SYCP3: variants seen among roughly 807,000 people sequenced by gnomAD.
The protein encoded by SYCP3 is synaptonemal complex protein 3.
In SYCP3, 29 loss-of-function variants were observed where a neutral mutation model predicts 38.5. The ratio of observed to expected loss-of-function variants is 0.75; its 90% CI spans 0.56 to 1.03. The LOEUF is 1.03. SYCP3 is among the 50% of genes least tolerant of loss of function. The pLI is 0.00. For synonymous variants in SYCP3, 79 were observed against 80.3 expected, an observed-to-expected ratio of 0.98 and a Z score of 0.08; for missense variants, 242 against 270.7, an observed-to-expected ratio of 0.89 and a Z score of 0.74.
At position 101,737,070 on chromosome 12, in the gene SYCP3, C is replaced by T. The variant is rs756692537; in HGVS notation, c.202G>A (p.Gly68Ser). The change falls in exon 4 of 9, where the codon GGT (glycine) becomes AGT (serine). Residue 68 changes from glycine (G) to serine (S), a missense_variant and splice_region_variant. By Grantham distance (56) the Gly-to-Ser change is moderately conservative. Transcript: ENST00000392924. ...SSAGVVEDMG[G>S]EVQNMLEGVG... Reference sequence around the variant, plus strand: ...CCTTCCAGCATATTCTGCACTTCACCCCTGGAAAGAAATTACATTTTAAAC... The same window carrying T: ...CCTTCCAGCATATTCTGCACTTCACTCCTGGAAAGAAATTACATTTTAAAC... 6.2e-7 allele frequency: 1 copy of T among 1,613,802 alleles called. No individual in the cohort carries two copies. The highest frequency in any genetic ancestry group is 8.5e-7 in the Non-Finnish European group (1 of 1,179,890).
chr12:101,735,516 C>T (rs1281866768), intron 4 of SYCP3, among the ~76,000 whole-genome samples: 1 of 152,074 alleles, frequency 6.6e-6, no homozygotes, highest in East Asian at 1.9e-4. Context: ...CAAAAATTAG[C>T]TGGGCGTGGT....
intron 7 of SYCP3, among the ~76,000 whole-genome samples, chr12:101,729,897 G>T (rs1952108084): frequency 6.6e-6 from 1 of 152,174 alleles, no homozygotes; most frequent in East Asian, 1.9e-4. Context: ...TAAAGAAAAA[G>T]GAGTTAAATA....
chr12:101,733,523 G>T, intron 6 of SYCP3, 52 bp downstream of exon 6: 1 of 1,492,130 alleles, frequency 6.7e-7, no homozygotes. Context: ...AGGCTAGGTT[G>T]TCCATTCCTA....
chr12:101,733,662 G>T lies in SYCP3; in HGVS notation c.366C>A (p.Asn122Lys). The change falls in exon 6 of 9, where the codon AAC becomes AAA. Residue 122 changes from asparagine (N) to lysine (K), a missense_variant. By Grantham distance (94) the Asn-to-Lys change is moderately conservative. Transcript: ENST00000392924. The part of the protein sequence containing the change: ...KTQQDQRQKL[N>K]QEYSQQFLTL... ...TCAGAAACTGCTGAGAATATTCTTG[G>T]TTAAGCTTCTGCCTGTAAAACATAA... 6.2e-7 allele frequency: 1 copy of T among 1,610,548 alleles called. No individual in the cohort carries two copies. The highest frequency in any genetic ancestry group is 8.5e-7 in the Non-Finnish European group (1 of 1,179,814).
At chr12:101,734,837 C>A in intron 5 of SYCP3, 90 bp downstream of exon 5, 5 of 920,098 alleles carry the variant, frequency 5.4e-6, no homozygotes, top group Non-Finnish European at 8.9e-6. Context: ...CATGAGCCAC[C>A]GTGCCGATCC....
intron 4 of SYCP3, 62 bp downstream of exon 4, chr12:101,736,972 GTTA>G: frequency 2.7e-6 from 4 of 1,472,218 alleles, no homozygotes; most frequent in Non-Finnish European, 3.8e-6. Context: ...ATTAACATTT[GTTA>G]TTATACAAAT....
chr12:101,735,871 A>ATTTTTTTTTT (rs201568592), intron 4 of SYCP3, among the ~76,000 whole-genome samples: 25 of 74,668 alleles, frequency 3.3e-4, no homozygotes, highest in East Asian at 1.2e-3. Context: ...ATATATATAT[A>ATTTTTTTTTT]TTTTTTTTTT....
chr12:101,735,014 C>G lies in SYCP3; in HGVS notation c.266G>C (p.Arg89Thr), dbSNP rs1952348656. The G allele has an allele frequency of 1.2e-6, 2 of 1,612,834 alleles. No homozygotes were observed. The highest frequency in any genetic ancestry group is 1.7e-6 in the Non-Finnish European group (2 of 1,179,192). ...CTTGGTATACATTTCTAGTCTCTTTCTCTTGGCAAGAAGAGCCTTGTTAAT... is the reference window on the plus strand; with the variant it reads ...CTTGGTATACATTTCTAGTCTCTTTGTCTTGGCAAGAAGAGCCTTGTTAAT... ...VDINKALLAK[R>T]KRLEMYTKAS... The change falls in exon 5 of 9, where the codon AGA (arginine) becomes ACA (threonine). Residue 89 changes from arginine to threonine, a missense_variant. Transcript: ENST00000392924.
rs779267135 is a variant in SYCP3, at chr12:101,731,678, A to G, written c.454-12T>C. 11 of 1,505,872 alleles carry G rather than the reference A, an allele frequency of 7.3e-6. No individual in the cohort carries two copies. In the African/African-American group the frequency reaches 1.4e-4, roughly 19 times the overall value. The allele number at this position is 1,505,872 out of a possible 1,614,324, so 93.3% of individuals were successfully genotyped here. A position where few individuals can be genotyped will look rare whatever the true frequency, so the allele number is the denominator to read the frequency against. ...TGTCGAAACATATTCTACAAATATA[A>G]AAGAAAAAAAACTGTGTAATAACAA... On this transcript the variant is annotated splice_polypyrimidine_tract_variant and intron_variant, in intron 6 of 8. Transcript: ENST00000392924.
In SYCP3 at chr12:101,729,168, C is replaced by T. The variant is rs1384762953; in HGVS notation, c.598G>A (p.Ala200Thr). 1.9e-6 allele frequency: 3 copies of T among 1,612,530 alleles called. No individual in the cohort carries two copies. Among genetic ancestry groups the T allele is most frequent in the East Asian group, 2.2e-5 (1 of 44,702 alleles). ...EKNHDNLLTGAQNEFKKEMAM... is the reference protein window; with the variant it reads ...EKNHDNLLTGTQNEFKKEMAM... Reference sequence around the variant, plus strand: ...ATTTCTTTTTTAAATTCATTTTGTGCACCAGTAAGTAGATTATCATGATTC... The same window carrying T: ...ATTTCTTTTTTAAATTCATTTTGTGTACCAGTAAGTAGATTATCATGATTC... Residue 200 changes from alanine (A) to threonine (T), a missense_variant, in exon 8 of 9, where the codon GCA becomes ACA. Transcript: ENST00000392924.
chr12:101,736,993 C>T, intron 4 of SYCP3, 44 bp downstream of exon 4: 1 of 1,593,784 alleles, frequency 6.3e-7, no homozygotes, highest in South Asian at 1.1e-5. Flanking sequence ...AATTATATGG[C>T]TTAAAACAAT....
intron 7 of SYCP3, 106 bp downstream of exon 7, chr12:101,731,462 T>TA: frequency 1.5e-6 from 1 of 664,908 alleles, no homozygotes; most frequent in Non-Finnish European, 2.3e-6. Context: ...GAAAAGTAGT[T>TA]AAAGTCTAAA....
intron 7 of SYCP3, 187 bp from the exon 8 acceptor site, chr12:101,729,400 G>C: frequency 1.7e-6 from 1 of 602,048 alleles, no homozygotes; most frequent in Non-Finnish European, 2.8e-6. Context: ...TATAAGACAT[G>C]AATAAAATGT....
chr12:101,732,282 T>C (rs555939465), intron 6 of SYCP3: 1 of 152,442 alleles, frequency 6.6e-6, no homozygotes, highest in South Asian at 2.1e-4. Context: ...TCTTTACCAT[T>C]CTAACTTACT....
Position 101,733,558 on chromosome 12 carries a change from C to T in SYCP3, c.453+17G>A. 6.3e-7 allele frequency: 1 copy of T among 1,596,918 alleles called. No homozygotes were observed. The highest frequency in any genetic ancestry group is 8.6e-7 in the Non-Finnish European group (1 of 1,166,526). On this transcript the variant is annotated intron_variant, in intron 6 of 8. Transcript: ENST00000392924. ...ACTTGAGACTTGGTTGATTATAAAC[C>T]TAATCATGATACCAACAAGTATTTT...
chr12:101,729,222 A>G lies in SYCP3; in HGVS notation c.553-9T>C, dbSNP rs2137041924. On this transcript the variant is annotated splice_polypyrimidine_tract_variant and intron_variant, in intron 7 of 8. Coordinates refer to ENST00000392924, the MANE Select transcript of SYCP3 (RefSeq NM_001177949.2). ...TCCAACTCTTCCATACTCTAAAAAC[A>G]CAAAAGACAAGTTAAGTTACAAAGG... 2 of 1,612,332 alleles carry G rather than the reference A, an allele frequency of 1.2e-6. No homozygotes were observed. The highest frequency in any genetic ancestry group is 4.5e-5 in the East Asian group (2 of 44,710).
chr12:101,735,532 A>G (rs768438501), intron 4 of SYCP3, among the ~76,000 whole-genome samples: 6 of 152,024 alleles, frequency 3.9e-5, no homozygotes, highest in Non-Finnish European at 7.4e-5. Flanking sequence ...GTGGTGGCGC[A>G]CACCTGTAGT....
chr12:101,731,380 CCAA>C (rs776513163), intron 7 of SYCP3, among the ~76,000 whole-genome samples, 185 bp downstream of exon 7: 77 of 152,052 alleles, frequency 5.1e-4, no homozygotes, highest in Non-Finnish European at 4.6e-4. Flanking sequence ...TTGAATAATC[CCAA>C]CAAAACCATT....
At chr12:101,735,868 T>TAC (rs2137069004) in intron 4 of SYCP3, among the ~76,000 whole-genome samples, 1 of 99,928 alleles carries the variant, frequency 1.0e-5, no homozygotes, top group South Asian at 3.7e-4. Flanking sequence ...TATATATATA[T>TAC]ATATTTTTTT....
Sources: gnomAD v4.1 joint callset for allele counts (sites outside exome capture counted in the v4.1 genomes callset) on GRCh38, gnomAD v4.1.1 for gene constraint, MANE v1.5 for transcripts, NCBI Gene and HGNC (gene_info 2026-07-23, HGNC 2026-07-21) for gene names.